Variants in FBXL7 observed in about 807,000 individuals in gnomAD.
FBXL7 encodes the protein F-box and leucine rich repeat protein 7, also known as F-box/LRR-repeat protein 7.
A neutral mutation model predicts 38.3 loss-of-function variants in FBXL7; 12 were observed. That is an observed-to-expected ratio of 0.31 (90% CI 0.20 to 0.51). The LOEUF is 0.51. Among genes scored for constraint, FBXL7 ranks in the 20% least tolerant of loss-of-function variants. FBXL7 has a pLI of 0.98. For missense variants in FBXL7, 567 were observed against 676.4 expected (o/e 0.84, Z 1.79); for synonymous variants, 297 against 300.9 (o/e 0.99, Z 0.13).
Position 15,928,425 on chromosome 5 carries a change from C to T in FBXL7, c.663C>T (p.Gly221=), listed in dbSNP as rs1263441652. The change falls in exon 3 of 4, where the codon GGC becomes GGT. Residue 221 remains glycine, a synonymous_variant. Transcript: ENST00000504595. This position sits in a 1 kb window ranked among gnomAD's most constrained non-coding sequence, Gnocchi z 4.0. ...CPELRRLEVS[G]CYNISNEAVF... ...AACTGAGGCGACTGGAAGTCTCAGGCTGTTACAATATCTCCAACGAGGCCG... is the reference window on the plus strand; with the variant it reads ...AACTGAGGCGACTGGAAGTCTCAGGTTGTTACAATATCTCCAACGAGGCCG... The T allele has an allele frequency of 1.2e-6, 2 of 1,614,066 alleles. No homozygotes were observed. The highest frequency in any genetic ancestry group is 1.1e-5 in the South Asian group (1 of 91,090).
chr5:15,743,806 A>G (rs1735949770), intron 2 of FBXL7, among the ~76,000 whole-genome samples: 1 of 152,216 alleles, frequency 6.6e-6, no homozygotes, highest in Non-Finnish European at 1.5e-5. Flanking sequence ...CATCCTTTGA[A>G]ATCTAGGCAG....
intron 2 of FBXL7, among the ~76,000 whole-genome samples, chr5:15,798,611 A>C (rs1275547176): frequency 6.6e-6 from 1 of 152,206 alleles, no homozygotes; most frequent in Non-Finnish European, 1.5e-5. Flanking sequence ...CAAGAGATGG[A>C]ATTGGAAGAA....
chr5:15,750,385 T>C (rs1421905924), intron 2 of FBXL7, among the ~76,000 whole-genome samples: 1 of 152,162 alleles, frequency 6.6e-6, no homozygotes, highest in African/African-American at 2.4e-5. Context: ...GACCTCACAA[T>C]GGGGAGGAGG....
intron 2 of FBXL7, among the ~76,000 whole-genome samples, chr5:15,754,859 G>T (rs569065326): frequency 2.0e-5 from 3 of 152,052 alleles, no homozygotes; most frequent in Non-Finnish European, 4.4e-5. Flanking sequence ...CACCCACAAG[G>T]TTTTCAAGTA....
At chr5:15,752,228 A>G (rs1446921570) in intron 2 of FBXL7, among the ~76,000 whole-genome samples, 1 of 152,204 alleles carries the variant, frequency 6.6e-6, no homozygotes, top group Non-Finnish European at 1.5e-5. Flanking sequence ...TACGTAACAA[A>G]ACTGCACGTT....
chr5:15,549,393 A>C (rs1056605051), intron 1 of FBXL7, among the ~76,000 whole-genome samples: 1 of 152,206 alleles, frequency 6.6e-6, no homozygotes, highest in African/African-American at 2.4e-5. Flanking sequence ...CATAGCCAGA[A>C]TCTCAAGCTT....
chr5:15,522,782 A>T (rs1737137096), intron 1 of FBXL7, among the ~76,000 whole-genome samples: 1 of 152,222 alleles, frequency 6.6e-6, no homozygotes, highest in African/African-American at 2.4e-5. Flanking sequence ...TAAACACTTC[A>T]TACTTTAGTC....
At position 15,654,101 on chromosome 5, in the gene FBXL7, G is replaced by C. The variant is rs145368079; in HGVS notation, c.127+38029G>C. Among the ~76,000 whole-genome samples the C allele has an allele frequency of 5.3e-5, 8 of 152,238 alleles. No homozygotes were observed. The East Asian group carries it at 1.5e-3, about 29-fold the overall frequency. On this transcript the variant is annotated intron_variant, in intron 2 of 3. Coordinates refer to ENST00000504595, the MANE Select transcript of FBXL7 (RefSeq NM_012304.5). ...TTGTTTGAGCCAAACAAATATAACA[G>C]TAAACTAATTAGACTGGCTTACATC... is the stretch of plus-strand genomic sequence containing the variant.
chr5:15,537,133 G>C (rs563950550), intron 1 of FBXL7, among the ~76,000 whole-genome samples: 4 of 152,164 alleles, frequency 2.6e-5, no homozygotes, highest in Non-Finnish European at 4.4e-5. Context: ...GTGGAACTAT[G>C]AGTCAATTAA....
At chr5:15,892,544 G>A (rs969635755) in intron 2 of FBXL7, among the ~76,000 whole-genome samples, 29 of 152,272 alleles carry the variant, frequency 1.9e-4, no homozygotes, top group African/African-American at 6.7e-4. Context: ...TATGAGCAGG[G>A]TTGATGAAAT....
chr5:15,612,317 A>C (rs1354929966), intron 1 of FBXL7, among the ~76,000 whole-genome samples: 1 of 152,234 alleles, frequency 6.6e-6, no homozygotes, highest in African/African-American at 2.4e-5. Context: ...ATTTAATAAG[A>C]GAAAGCATGT....
intron 2 of FBXL7, among the ~76,000 whole-genome samples, chr5:15,769,049 A>G (rs572649339): frequency 1.1e-4 from 17 of 152,178 alleles, no homozygotes; most frequent in Admixed American, 2.0e-4. Context: ...TCCTAATTCC[A>G]TGAACAGACA....
intron 2 of FBXL7, among the ~76,000 whole-genome samples, chr5:15,742,770 G>C (rs756537174): frequency 1.3e-5 from 2 of 152,076 alleles, no homozygotes; most frequent in Non-Finnish European, 2.9e-5. Flanking sequence ...AGACATACTC[G>C]AGACTGAGTA....
Position 15,816,269 on chromosome 5 carries a change from G to GTA in FBXL7, c.128-111605_128-111604dup, listed in dbSNP as rs79562693. On this transcript the variant is annotated intron_variant, in intron 2 of 3. Coordinates refer to ENST00000504595, the MANE Select transcript of FBXL7 (RefSeq NM_012304.5). ...CTGGTATGTATATATATATATGTGT[G>GTA]TATATATATATATATATGTGCCATG... 2.8e-3 allele frequency among the ~76,000 whole-genome samples: 424 copies of GTA among 149,952 alleles called. 3 individuals are homozygous for GTA. Among genetic ancestry groups the GTA allele is most frequent in the East Asian group, 8.7e-3 (44 of 5,084 alleles).
chr5:15,781,769 G>A (rs1455415443), intron 2 of FBXL7, among the ~76,000 whole-genome samples: 1 of 152,130 alleles, frequency 6.6e-6, no homozygotes, highest in Admixed American at 6.6e-5. Flanking sequence ...TGCTATAAAG[G>A]AGAGTGTAAA....
chr5:15,598,845 G>A (rs1240836307), intron 1 of FBXL7, among the ~76,000 whole-genome samples: 2 of 152,118 alleles, frequency 1.3e-5, no homozygotes, highest in Non-Finnish European at 2.9e-5. Flanking sequence ...GGTAAATAGA[G>A]CTCCTTGATA....
chr5:15,922,563 C>T (rs1741771683), intron 2 of FBXL7, among the ~76,000 whole-genome samples: 1 of 152,074 alleles, frequency 6.6e-6, no homozygotes, highest in African/African-American at 2.4e-5. Context: ...TACCAAAAGG[C>T]CTTCTCAGAA....
chr5:15,581,500 T>C (rs1739139663), intron 1 of FBXL7, among the ~76,000 whole-genome samples: 1 of 152,138 alleles, frequency 6.6e-6, no homozygotes, highest in Non-Finnish European at 1.5e-5. Context: ...CATGCTGCCT[T>C]TCAGAGAGAA....
chr5:15,897,001 G>T (rs1304142796), intron 2 of FBXL7, among the ~76,000 whole-genome samples: 1 of 152,152 alleles, frequency 6.6e-6, no homozygotes, highest in African/African-American at 2.4e-5. Flanking sequence ...AGGCGTGGTG[G>T]CATGTGCCTG....
Sources: allele counts gnomAD v4.1 joint callset (sites outside exome capture counted in the v4.1 genomes callset), GRCh38; gene constraint gnomAD v4.1.1; non-coding constraint Gnocchi (gnomAD v3.1); transcripts MANE v1.5; gene names NCBI Gene and HGNC (gene_info 2026-07-23, HGNC 2026-07-21).